Variants in DSC2 observed in about 807,000 individuals in gnomAD.
DSC2 encodes the protein desmocollin-2.
In DSC2, 51 loss-of-function variants were observed where a neutral mutation model predicts 87.6. The ratio of observed to expected loss-of-function variants is 0.58; its 90% CI spans 0.46 to 0.74. The LOEUF is 0.74. DSC2 is among the 30% of genes least tolerant of loss of function. DSC2 has a pLI of 0.00. For synonymous variants in DSC2, 383 were observed against 393.2 expected (o/e 0.97, Z 0.31); for missense variants, 1,066 against 1,089.5 (o/e 0.98, Z 0.30).
At chr18:31,068,281 G>C (rs1184737311) in intron 15 of DSC2, 69 bp from the exon 16 acceptor site, 3 of 1,612,916 alleles carry the variant, frequency 1.9e-6, no homozygotes, top group Non-Finnish European at 1.7e-6. Flanking sequence ...TAACATAAAA[G>C]TAATTGCTTT....
rs1987148240 is a variant in DSC2 at position 31,079,888 on chromosome 18, T to C, written c.1622A>G (p.Lys541Arg). ...RSLDREAETI[K>R]NGIYNITVLA... is the part of the protein sequence containing the mutation. ...GACTGTAATATTATATATGCCATTT[T>C]TGATGGTCTCTGCCTCTCTATCCAG... Residue 541 changes from lysine to arginine, a missense_variant, in exon 11 of 16, where the codon AAA becomes AGA. By Grantham distance (26) the Lys-to-Arg change is conservative. Transcript: ENST00000280904. 6.2e-7 allele frequency: 1 copy of C among 1,614,024 alleles called. No individual in the cohort carries two copies. Among genetic ancestry groups the C allele is most frequent in the East Asian group, 2.2e-5 (1 of 44,828 alleles).
Position 31,065,530 on chromosome 18 carries a change from G to C in DSC2, c.*2485C>G. On this transcript the variant is annotated 3_prime_UTR_variant, in exon 16 of 16. Transcript: ENST00000280904. ...CCCACAGCTAGTAAGGATAGAGCCG[G>C]AATTTGCATCAAGACACTCTTACTT... The C allele has an allele frequency of 6.6e-6, 1 of 152,114 alleles. No homozygotes were observed. Among genetic ancestry groups the C allele is most frequent in the Non-Finnish European group, 1.5e-5 (1 of 68,030 alleles). The allele number at this position is 152,114 out of a possible 1,614,324, so 9.4% of individuals were successfully genotyped here.
At chr18:31,073,943 A>C (rs1462417257) in intron 12 of DSC2, among the ~76,000 whole-genome samples, 1 of 152,254 alleles carries the variant, frequency 6.6e-6, no homozygotes, top group Non-Finnish European at 1.5e-5. Flanking sequence ...CGTGGTGGAC[A>C]CTGTGGTGTA....
At chr18:31,068,852 A>C in intron 15 of DSC2, 42 bp downstream of exon 15, 1 of 1,610,758 alleles carries the variant, frequency 6.2e-7, no homozygotes, top group South Asian at 1.1e-5. Flanking sequence ...TAAAGTTTAA[A>C]GAAAATTAAA....
chr18:31,087,011 A>G (rs1987422737), intron 6 of DSC2, among the ~76,000 whole-genome samples: 1 of 152,108 alleles, frequency 6.6e-6, no homozygotes, highest in Non-Finnish European at 1.5e-5. Flanking sequence ...CCCTCCATGT[A>G]TTTTCAGACT....
chr18:31,092,783 G>A (rs556443150), intron 2 of DSC2, among the ~76,000 whole-genome samples: 76 of 151,864 alleles, frequency 5.0e-4, no homozygotes, highest in Non-Finnish European at 9.6e-4. Context: ...TAATTTAATT[G>A]ATAAAAAAAT....
intron 3 of DSC2, among the ~76,000 whole-genome samples, chr18:31,091,788 C>T (rs1987608056): frequency 6.6e-6 from 1 of 152,018 alleles, no homozygotes; most frequent in Non-Finnish European, 1.5e-5. Flanking sequence ...TACAGAGTTT[C>T]AAAACTTGTT....
intron 7 of DSC2, among the ~76,000 whole-genome samples, chr18:31,083,707 T>C (rs1258704477): frequency 6.6e-6 from 1 of 152,174 alleles, no homozygotes; most frequent in Non-Finnish European, 1.5e-5. Context: ...TGTAGGTTTT[T>C]TTCTTTCTGT....
At chr18:31,068,235 G>T in intron 15 of DSC2, 23 bp from the exon 16 acceptor site, 1 of 1,613,210 alleles carries the variant, frequency 6.2e-7, no homozygotes, top group African/African-American at 1.3e-5. Flanking sequence ...AAAACACAAC[G>T]TTTTTATTAT....
In DSC2 at chr18:31,059,548, C is replaced by A. The variant is rs892056123; in HGVS notation, c.*8467G>T. On this transcript the variant is annotated 3_prime_UTR_variant, in exon 16 of 16. Transcript: ENST00000280904. The stretch of plus-strand genomic sequence containing the variant: ...TTTCTTCACAGGCCTGTAAGCTCCC[C>A]AAATTCTAAAGCCTGTGAGTTTTTC... The A allele has an allele frequency of 6.6e-6, 1 of 152,114 alleles. No individual in the cohort carries two copies. The highest frequency in any genetic ancestry group is 1.5e-5 in the Non-Finnish European group (1 of 68,018). The allele number at this position is 152,114 out of a possible 1,614,324, so 9.4% of individuals were successfully genotyped here. A position where few individuals can be genotyped will look rare whatever the true frequency, so the allele number is the denominator to read the frequency against.
chr18:31,073,731 A>C (rs1249775586), intron 12 of DSC2, among the ~76,000 whole-genome samples: 1 of 152,182 alleles, frequency 6.6e-6, no homozygotes, highest in Non-Finnish European at 1.5e-5. Context: ...AACATGCTGA[A>C]GAGTTACGCG....
intron 5 of DSC2, among the ~76,000 whole-genome samples, chr18:31,088,059 A>G (rs986375970): frequency 5.9e-5 from 9 of 152,130 alleles, no homozygotes; most frequent in African/African-American, 2.2e-4. Flanking sequence ...TAGTTTCTTC[A>G]TTATTGCTAT....
chr18:31,079,780 T>C (rs1987142348), intron 11 of DSC2, 67 bp downstream of exon 11: 5 of 1,586,658 alleles, frequency 3.2e-6, no homozygotes, highest in Non-Finnish European at 4.3e-6. Context: ...ATGTATACTG[T>C]TGGCTTAAAC....
rs772194578 is a variant in DSC2 at position 31,068,220 on chromosome 18, G to A, written c.2509-8C>T. 2 of 1,613,920 alleles carry A rather than the reference G, an allele frequency of 1.2e-6. No homozygotes were observed. Among genetic ancestry groups the A allele is most frequent in the Non-Finnish European group, 1.7e-6 (2 of 1,179,960 alleles). ...ATTACACAGATACACTTTCTGCCAA[G>A]GGGAAAAACACAACGTTTTTATTAT... is the stretch of plus-strand genomic sequence containing the variant. On this transcript the variant is annotated splice_polypyrimidine_tract_variant and splice_region_variant and intron_variant, in intron 15 of 15. Coordinates refer to ENST00000280904, the MANE Select transcript of DSC2 (RefSeq NM_024422.6).
chr18:31,072,845 G>A (rs565609131), intron 12 of DSC2, among the ~76,000 whole-genome samples: 1 of 152,274 alleles, frequency 6.6e-6, no homozygotes, highest in South Asian at 2.1e-4. Flanking sequence ...TCCATCTTAA[G>A]AGAAGCCATG....
intron 11 of DSC2, among the ~76,000 whole-genome samples, chr18:31,077,081 A>G (rs1424012207): frequency 6.6e-6 from 1 of 152,194 alleles, no homozygotes; most frequent in African/African-American, 2.4e-5. Flanking sequence ...AAAATATAGT[A>G]AAGGATGTAC....
At chr18:31,072,200 T>C (rs1986859292) in intron 12 of DSC2, among the ~76,000 whole-genome samples, 1 of 152,252 alleles carries the variant, frequency 6.6e-6, no homozygotes, top group Admixed American at 6.5e-5. Flanking sequence ...GAGTGTACAT[T>C]TTCTTTTACA....
rs1986777581 is a variant in DSC2, at chr18:31,070,209, GC to G, written c.2250+516del. Among the ~76,000 whole-genome samples the G allele has an allele frequency of 3.3e-5, 5 of 152,118 alleles. No individual in the cohort carries two copies. In the South Asian group the frequency reaches 1.0e-3, roughly 32 times the overall value. ...TACTTGTTCCTTTTCCACATATTGAGCTAGAAAGCAAAGTTGGAGAAATGAC... is the reference window on the plus strand; with the variant it reads ...TACTTGTTCCTTTTCCACATATTGAGTAGAAAGCAAAGTTGGAGAAATGAC... On this transcript the variant is annotated intron_variant, in intron 14 of 15. Coordinates refer to ENST00000280904, the MANE Select transcript of DSC2 (RefSeq NM_024422.6).
At chr18:31,101,770 ATTTTCTAGC>A in intron 1 of DSC2, 124 bp downstream of exon 1, 8 of 325,584 alleles carry the variant, frequency 2.5e-5, no homozygotes, top group East Asian at 9.3e-5. Context: ...CGCCAACTCC[ATTTTCTAGC>A]CACCCAGAGG....
Sources: allele counts gnomAD v4.1 joint callset (sites outside exome capture counted in the v4.1 genomes callset), GRCh38; gene constraint gnomAD v4.1.1; transcripts MANE v1.5; gene names NCBI Gene and HGNC (gene_info 2026-07-23, HGNC 2026-07-21).